The following SGIP1 variants were observed in gnomAD, a reference collection of about 807,000 sequenced individuals.
SGIP1 encodes SH3-containing GRB2-like protein 3-interacting protein 1.
SGIP1 carries 38 observed loss-of-function variants against 107.5 expected under a neutral mutation model. That is an observed-to-expected ratio of 0.35 (90% CI 0.27 to 0.46). The LOEUF is 0.46. SGIP1 is among the 20% of genes least tolerant of loss of function. The pLI is 1.00. For synonymous variants in SGIP1, 365 were observed against 366.1 expected, an observed-to-expected ratio of 1.00 and a Z score of 0.03; for missense variants, 929 against 1,019.5, an observed-to-expected ratio of 0.91 and a Z score of 1.21.
intron 1 of SGIP1, among the ~76,000 whole-genome samples, chr1:66,589,571 G>C (rs1288841300): frequency 6.6e-6 from 1 of 151,946 alleles, no homozygotes; most frequent in Non-Finnish European, 1.5e-5. Context: ...CCACCAACCA[G>C]CTTCCAAACA....
rs1258455094 is a variant in SGIP1 at position 66,577,790 on chromosome 1, G to A, written c.10+43422G>A. 2.4e-5 allele frequency among the ~76,000 whole-genome samples: 3 copies of A among 123,208 alleles called. No individual in the cohort carries two copies. In the East Asian group the frequency reaches 6.7e-4, roughly 27 times the overall value. The allele number at this position is 123,208 out of a possible 152,430, so 80.8% of individuals were successfully genotyped here. ...TGTGTGTGTGTGTGTGTGTGTGTGTGTGTGTGTGTGTTGCATACCCAAAAA... is the reference window on the plus strand; with the variant it reads ...TGTGTGTGTGTGTGTGTGTGTGTGTATGTGTGTGTGTTGCATACCCAAAAA... On this transcript the variant is annotated intron_variant, in intron 1 of 24. Coordinates refer to ENST00000371037, the MANE Select transcript of SGIP1 (RefSeq NM_032291.4).
intron 18 of SGIP1, among the ~76,000 whole-genome samples, chr1:66,717,909 C>T (rs1321258996): frequency 6.6e-6 from 1 of 152,150 alleles, no homozygotes; most frequent in Non-Finnish European, 1.5e-5. Context: ...CGGAATGCTG[C>T]TGCTGATGGT....
chr1:66,733,174 T>C (rs1403062902), intron 20 of SGIP1, among the ~76,000 whole-genome samples: 1 of 152,214 alleles, frequency 6.6e-6, no homozygotes, highest in Non-Finnish European at 1.5e-5. Flanking sequence ...GATCATCTTA[T>C]AAGTGAAGTG....
intron 1 of SGIP1, among the ~76,000 whole-genome samples, chr1:66,564,911 T>C (rs570913097): frequency 2.0e-5 from 3 of 152,120 alleles, no homozygotes; most frequent in East Asian, 1.9e-4. Flanking sequence ...ATTTTTGTTA[T>C]GTAACTAGCG....
At chr1:66,534,004 G>A (rs1035664921), upstream of SGIP1, among the ~76,000 whole-genome samples, 2 of 151,892 alleles carry the variant, frequency 1.3e-5, no homozygotes, top group Non-Finnish European at 2.9e-5. Flanking sequence ...ATGGGGACGG[G>A]AAATAGGTTC....
intron 7 of SGIP1, among the ~76,000 whole-genome samples, chr1:66,647,373 A>G (rs1230799146): frequency 6.6e-6 from 1 of 152,204 alleles, no homozygotes; most frequent in Non-Finnish European, 1.5e-5. Flanking sequence ...CACTGCCACA[A>G]TTTAATCACA....
intron 24 of SGIP1, among the ~76,000 whole-genome samples, chr1:66,742,613 G>C (rs113265934): frequency 0.02 from 2,996 of 150,012 alleles, 141 homozygotes; most frequent in African/African-American, 0.071. Context: ...GGGACTACAG[G>C]CGCCCACCAC....
intron 7 of SGIP1, among the ~76,000 whole-genome samples, 177 bp from the exon 8 acceptor site, chr1:66,660,336 A>C (rs1445948127): frequency 6.6e-6 from 1 of 152,030 alleles, no homozygotes; most frequent in Non-Finnish European, 1.5e-5. Flanking sequence ...GCTTGAACTA[A>C]AGACAGCAGC....
At chr1:66,707,502 T>C (rs1417181223) in intron 18 of SGIP1, among the ~76,000 whole-genome samples, 1 of 152,188 alleles carries the variant, frequency 6.6e-6, no homozygotes, top group Non-Finnish European at 1.5e-5. Flanking sequence ...CTTTCCAGAA[T>C]TTACTTATAA....
Position 66,639,852 on chromosome 1 carries a change from T to A in SGIP1, c.228+19T>A. On this transcript the variant is annotated intron_variant, in intron 5 of 24. Transcript: ENST00000371037. ...AAGATATGTGAGTATCAGAAGAGTG[T>A]TTCTCTTTATTAAGTATTTTACAGT... The A allele has an allele frequency of 6.3e-7, 1 of 1,596,360 alleles. No homozygotes were observed. Among genetic ancestry groups the A allele is most frequent in the South Asian group, 1.1e-5 (1 of 89,682 alleles).
At chr1:66,726,575 T>C (rs1410125587) in intron 19 of SGIP1, among the ~76,000 whole-genome samples, 2 of 152,080 alleles carry the variant, frequency 1.3e-5, no homozygotes, top group African/African-American at 4.8e-5. Flanking sequence ...AATCCAGAAA[T>C]TGACTCACAC....
intron 3 of SGIP1, among the ~76,000 whole-genome samples, chr1:66,635,674 A>G (rs576171184): frequency 1.3e-4 from 20 of 152,276 alleles, no homozygotes; most frequent in African/African-American, 4.3e-4. Flanking sequence ...ATAGATCCAC[A>G]TGGTCCCTAG....
intron 17 of SGIP1, among the ~76,000 whole-genome samples, chr1:66,693,184 G>C (rs928577382): frequency 1.3e-5 from 2 of 151,598 alleles, no homozygotes; most frequent in Admixed American, 1.3e-4. Context: ...TGAGATGGGA[G>C]GATTACATGA....
In SGIP1 at chr1:66,682,015, G is replaced by A. The variant is rs781628066; in HGVS notation, c.961G>A (p.Glu321Lys). 3 of 1,614,094 alleles carry A rather than the reference G, an allele frequency of 1.9e-6. No homozygotes were observed. The highest frequency in any genetic ancestry group is 2.5e-6 in the Non-Finnish European group (3 of 1,180,016). Residue 321 changes from glutamate (E) to lysine (K), a missense_variant, in exon 15 of 25, where the codon GAA (glutamate) becomes AAA (lysine). Glu to Lys is a moderately conservative substitution (Grantham distance 56, BLOSUM62 1). This residue lies in a region of SGIP1 where 588 missense variants were observed against 588.6 expected (regional missense o/e 1.00). Transcript: ENST00000371037. ...GGTCCATTTTTCTGATACATCCCCG[G>A]AACATGTTACTCCGGAGTTGACTCC... The part of the protein sequence containing the change: ...KWVHFSDTSP[E>K]HVTPELTPRE...
intron 2 of SGIP1, among the ~76,000 whole-genome samples, chr1:66,631,939 G>T (rs541883907): frequency 6.6e-6 from 1 of 152,116 alleles, no homozygotes; most frequent in Non-Finnish European, 1.5e-5. Context: ...AAAATGGGAG[G>T]TTATAAAATT....
At chr1:66,652,522 G>A (rs1053173933) in intron 7 of SGIP1, among the ~76,000 whole-genome samples, 2 of 152,096 alleles carry the variant, frequency 1.3e-5, no homozygotes, top group Non-Finnish European at 2.9e-5. Context: ...CTTCATCCTG[G>A]AGATTTGCAA....
At position 66,675,537 on chromosome 1, in the gene SGIP1, C is replaced by CTTTTTT. The variant is rs141370211; in HGVS notation, c.647-1464_647-1463insTTTTTT. On this transcript the variant is annotated intron_variant, in intron 12 of 24. Transcript: ENST00000371037. Reference sequence around the variant, plus strand: ...TTTCGTTGTTTTTCTTTTTCTTTTTCTTTCTTTTTTTTTTTTTTTTTTGAC... The same window carrying CTTTTTT: ...TTTCGTTGTTTTTCTTTTTCTTTTTCTTTTTTTTTCTTTTTTTTTTTTTTTTTTGAC... 3.0e-3 allele frequency among the ~76,000 whole-genome samples: 325 copies of CTTTTTT among 109,160 alleles called. 28 individuals are homozygous for CTTTTTT. The highest frequency in any genetic ancestry group is 9.9e-3 in the Middle Eastern group (2 of 202). 71.6% of individuals were successfully genotyped at this position (109,160 alleles called of 152,430 possible). A position where few individuals can be genotyped will look rare whatever the true frequency, so the allele number is the denominator to read the frequency against.
chr1:66,733,587 T>G (rs1029271391), intron 20 of SGIP1, among the ~76,000 whole-genome samples, 161 bp from the exon 21 acceptor site: 3 of 152,180 alleles, frequency 2.0e-5, no homozygotes, highest in Non-Finnish European at 4.4e-5. Flanking sequence ...CAGAACTGTA[T>G]TTGTATGAAA....
At chr1:66,555,108 C>G (rs2057996087) in intron 1 of SGIP1, among the ~76,000 whole-genome samples, 1 of 152,068 alleles carries the variant, frequency 6.6e-6, no homozygotes, top group South Asian at 2.1e-4. Context: ...TCTGTCACCA[C>G]CACTGTAAAT....
Sources: gnomAD v4.1 joint callset for allele counts (sites outside exome capture counted in the v4.1 genomes callset) on GRCh38, gnomAD v4.1.1 for gene constraint, gnomAD v4.1.1 regional missense constraint, MANE v1.5 for transcripts, NCBI Gene and HGNC (gene_info 2026-07-23, HGNC 2026-07-21) for gene names.